KIF7: variants seen among roughly 807,000 people sequenced by gnomAD.
KIF7 encodes kinesin-like protein KIF7.
KIF7 carries 104 observed loss-of-function variants against 135.7 expected under a neutral mutation model. The observed-to-expected ratio is 0.77, with a 90% CI of 0.65 to 0.90. The LOEUF (loss-of-function observed/expected upper bound fraction) is 0.90. Ranked by LOEUF, KIF7 falls within the 40% of genes least tolerant of loss-of-function variation. KIF7 has a pLI of 0.00. For missense variants in KIF7, 2,005 were observed against 1,839.1 expected (o/e 1.09, Z -1.65); for synonymous variants, 883 against 809.4 (o/e 1.09, Z -1.54).
At chr15:89,646,322 C>A (rs1964012415) in intron 7 of KIF7, among the ~76,000 whole-genome samples, 1 of 152,126 alleles carries the variant, frequency 6.6e-6, no homozygotes, top group Admixed American at 6.5e-5. Context: ...CAATTCCCTG[C>A]CAGAGTGATG....
At chr15:89,650,627 C>T (rs1964108904) in intron 2 of KIF7, among the ~76,000 whole-genome samples, 1 of 152,156 alleles carries the variant, frequency 6.6e-6, no homozygotes, top group South Asian at 2.1e-4. Context: ...CTCCTGACCT[C>T]GTGATCCGCC....
At chr15:89,657,793 C>T (rs929158370), upstream of KIF7, among the ~76,000 whole-genome samples, 2 of 152,118 alleles carry the variant, frequency 1.3e-5, no homozygotes, top group Non-Finnish European at 1.5e-5. Flanking sequence ...CAAATTGAGT[C>T]GGTAAAAATT....
chr15:89,618,265 C>T (rs1194986857), intron 1 of KIF7: 2 of 1,513,254 alleles, frequency 1.3e-6, no homozygotes, highest in Non-Finnish European at 1.8e-6. Context: ...CTATGAAAAC[C>T]TTTCTGTATG....
At chr15:89,623,878 A>G (rs199990027), downstream of KIF7, 18 of 1,613,974 alleles carry the variant, frequency 1.1e-5, no homozygotes, top group African/African-American at 2.4e-4. Context: ...CTCTCTTGAA[A>G]CGAAGACACC....
At chr15:89,633,925 C>T (rs1050173460) in intron 11 of KIF7, 42 bp from the exon 12 acceptor site, 2 of 1,608,304 alleles carry the variant, frequency 1.2e-6, no homozygotes, top group Admixed American at 1.7e-5. Flanking sequence ...CACGGGGCTA[C>T]CGCGAGCCTG....
At chr15:89,630,190 G>C in intron 16 of KIF7, 97 bp downstream of exon 16, 1 of 1,134,068 alleles carries the variant, frequency 8.8e-7, no homozygotes, top group Admixed American at 1.9e-5. Flanking sequence ...CCCCCAGTCT[G>C]GGAGGAAACG....
At chr15:89,633,625 TG>T (rs2142002045) in intron 12 of KIF7, 60 bp downstream of exon 12, 1 of 1,568,588 alleles carries the variant, frequency 6.4e-7, no homozygotes. Flanking sequence ...CTCCCCTGGC[TG>T]GGCCGCCAGC....
Position 89,645,469 on chromosome 15 carries a change from G to C in KIF7, c.1923-18C>G. The C allele has an allele frequency of 6.3e-7, 1 of 1,589,362 alleles. No individual in the cohort carries two copies. Among genetic ancestry groups the C allele is most frequent in the Middle Eastern group, 1.7e-4 (1 of 6,020 alleles). On this transcript the variant is annotated intron_variant, in intron 8 of 18. Coordinates refer to ENST00000394412, the MANE Select transcript of KIF7 (RefSeq NM_198525.3). The stretch of plus-strand genomic sequence containing the variant: ...TCCTATTTCTGGAGGACAGAAGCAG[G>C]AGGCCATGCTCCTCCCCAGCCCCTG...
rs1963575039 is a variant in KIF7 at position 89,628,227 on chromosome 15, C to T, written c.*192G>A. The stretch of plus-strand genomic sequence containing the variant: ...CATGGAAGTAAGTGGTGGGAATTTG[C>T]ATATTATTTTGTTAAATGAGGGTCC... On this transcript the variant is annotated 3_prime_UTR_variant, in exon 19 of 19. Transcript: ENST00000394412. 1.6e-6 allele frequency: 1 copy of T among 606,804 alleles called. No individual in the cohort carries two copies. The allele number at this position is 606,804 out of a possible 1,614,324, so 37.6% of individuals were successfully genotyped here. A position where few individuals can be genotyped will look rare whatever the true frequency, so the allele number is the denominator to read the frequency against.
downstream of KIF7, chr15:89,624,600 T>C (rs749240368): frequency 6.2e-7 from 1 of 1,613,808 alleles, no homozygotes; most frequent in Admixed American, 1.7e-5. Context: ...TGAGCCTCTC[T>C]CCTCAGTCTC....
intron 11 of KIF7, among the ~76,000 whole-genome samples, chr15:89,639,316 C>G (rs2142012070): frequency 6.6e-6 from 1 of 151,548 alleles, no homozygotes; most frequent in East Asian, 1.9e-4. Context: ...TAAAGAGCTT[C>G]TGCACAGCAA....
intron 2 of KIF7, among the ~76,000 whole-genome samples, chr15:89,652,115 A>T (rs1964133096): frequency 1.3e-5 from 2 of 152,184 alleles, no homozygotes; most frequent in South Asian, 2.1e-4. Flanking sequence ...GTGTTACTTA[A>T]AAGGGGACAC....
chr15:89,624,388 A>T, downstream of KIF7: 3 of 1,614,004 alleles, frequency 1.9e-6, no homozygotes, highest in Middle Eastern at 4.9e-4. Context: ...TGTTCCCTCA[A>T]CTCCCCCTGA....
chr15:89,648,862 G>C, intron 4 of KIF7, 88 bp from the exon 5 acceptor site: 1 of 1,467,850 alleles, frequency 6.8e-7, no homozygotes, highest in Non-Finnish European at 9.0e-7. Flanking sequence ...TCCTGGCGCG[G>C]TTCCCGTGGG....
chr15:89,657,310 C>CAAAAAAA (rs369464990), upstream of KIF7, among the ~76,000 whole-genome samples: 3 of 98,658 alleles, frequency 3.0e-5, no homozygotes, highest in African/African-American at 1.2e-4. Context: ...GACCCTGTCT[C>CAAAAAAA]AAAAAAAAAA....
chr15:89,626,307 G>C (rs552290889), downstream of KIF7, among the ~76,000 whole-genome samples: 2 of 152,206 alleles, frequency 1.3e-5, no homozygotes, highest in Admixed American at 6.5e-5. Flanking sequence ...GTTGACAGTC[G>C]TGGGCTTGCC....
In KIF7 at chr15:89,641,889, G is replaced by A. The variant is rs575078294; in HGVS notation, c.2394+314C>T. Among the ~76,000 whole-genome samples, 5 of 152,260 alleles carry A rather than the reference G, an allele frequency of 3.3e-5. No individual in the cohort carries two copies. In the South Asian group the frequency reaches 1.0e-3, roughly 32 times the overall value. On this transcript the variant is annotated intron_variant, in intron 11 of 18. Coordinates refer to ENST00000394412, the MANE Select transcript of KIF7 (RefSeq NM_198525.3). Reference sequence around the variant, plus strand: ...GGGAGAATGGGATGGAGGGGTAAGCGAATGGAGAGCTGAAAGGGGGACCGG... The same window carrying A: ...GGGAGAATGGGATGGAGGGGTAAGCAAATGGAGAGCTGAAAGGGGGACCGG...
chr15:89,633,225 C>A lies in KIF7; in HGVS notation c.2634G>T (p.Lys878Asn), dbSNP rs1046105811. The A allele has an allele frequency of 1.3e-6, 2 of 1,589,194 alleles. No homozygotes were observed. Among genetic ancestry groups the A allele is most frequent in the South Asian group, 1.1e-5 (1 of 87,986 alleles). ...LKHEQQQKIL[K>N]IKTEEIAAFQ... Reference sequence around the variant, plus strand: ...ATGCCGCGATCTCTTCCGTCTTAATCTTCAGGATCTTCTGCTGTTGCTCAT... The same window carrying A: ...ATGCCGCGATCTCTTCCGTCTTAATATTCAGGATCTTCTGCTGTTGCTCAT... Residue 878 changes from lysine to asparagine, a missense_variant, in exon 13 of 19, where the codon AAG becomes AAT. Transcript: ENST00000394412.
At chr15:89,661,035 A>G in the KIF7 span, among the ~76,000 whole-genome samples, 1 of 152,204 alleles carries the variant, frequency 6.6e-6, no homozygotes, top group Non-Finnish European at 1.5e-5. Context: ...ACCATAGTTG[A>G]CCTATGAACA....
Sources: allele counts gnomAD v4.1 joint callset (sites outside exome capture counted in the v4.1 genomes callset), GRCh38; gene constraint gnomAD v4.1.1; transcripts MANE v1.5; gene names NCBI Gene and HGNC (gene_info 2026-07-23, HGNC 2026-07-21).